Variants in ARHGAP24 observed in about 807,000 individuals in gnomAD.
ARHGAP24 encodes rho GTPase-activating protein 24.
ARHGAP24 carries 50 observed loss-of-function variants against 76.4 expected under a neutral mutation model. That is an observed-to-expected ratio of 0.65 (90% CI 0.52 to 0.83). The LOEUF (loss-of-function observed/expected upper bound fraction) is 0.83. Among genes scored for constraint, ARHGAP24 ranks in the 40% least tolerant of loss-of-function variants. ARHGAP24 has a pLI of 0.00. For missense variants in ARHGAP24, 930 were observed against 914.2 expected, an observed-to-expected ratio of 1.02 and a Z score of -0.22; for synonymous variants, 345 against 323.3, an observed-to-expected ratio of 1.07 and a Z score of -0.72.
intron 3 of ARHGAP24, among the ~76,000 whole-genome samples, chr4:85,773,676 C>G (rs532801685): frequency 6.6e-6 from 1 of 152,104 alleles, no homozygotes; most frequent in Non-Finnish European, 1.5e-5. Context: ...TTCTTTGTAC[C>G]CAAGCATTTG....
At chr4:85,767,950 G>A (rs1340438998) in intron 3 of ARHGAP24, among the ~76,000 whole-genome samples, 1 of 152,156 alleles carries the variant, frequency 6.6e-6, no homozygotes, top group Non-Finnish European at 1.5e-5. Context: ...TTGGGGAAAG[G>A]AATTGCTCTA....
chr4:85,846,220 T>A (rs1297077131), intron 3 of ARHGAP24, among the ~76,000 whole-genome samples: 2 of 152,248 alleles, frequency 1.3e-5, no homozygotes, highest in South Asian at 2.1e-4. Flanking sequence ...AATATAATTT[T>A]AAAAAATCTT....
intron 2 of ARHGAP24, among the ~76,000 whole-genome samples, chr4:85,622,873 T>C (rs368860494): frequency 6.6e-5 from 10 of 152,146 alleles, no homozygotes; most frequent in Non-Finnish European, 1.2e-4. Context: ...TTTCATGTGT[T>C]TTTTGGCTGC....
At chr4:85,839,600 G>T (rs1358736927) in intron 3 of ARHGAP24, among the ~76,000 whole-genome samples, 2 of 151,722 alleles carry the variant, frequency 1.3e-5, no homozygotes, top group Non-Finnish European at 1.5e-5. Context: ...ACAGGCACGT[G>T]CCACCACGCC....
At chr4:85,914,422 T>C (rs946209793) in intron 3 of ARHGAP24, among the ~76,000 whole-genome samples, 13 of 152,210 alleles carry the variant, frequency 8.5e-5, no homozygotes, top group Non-Finnish European at 1.8e-4. Context: ...TGGAATGAGG[T>C]CCAAGAATTC....
chr4:85,808,074 T>C (rs1440514629), intron 3 of ARHGAP24, among the ~76,000 whole-genome samples: 1 of 152,176 alleles, frequency 6.6e-6, no homozygotes, highest in Non-Finnish European at 1.5e-5. Context: ...TTTACATAGT[T>C]GTCGGTTGCT....
chr4:85,918,273 T>G (rs1735530745), intron 3 of ARHGAP24, among the ~76,000 whole-genome samples: 2 of 151,894 alleles, frequency 1.3e-5, no homozygotes, highest in South Asian at 2.1e-4. Context: ...TATATCTACT[T>G]TTATATAATA....
chr4:85,848,353 G>T (rs1215414486), intron 3 of ARHGAP24, among the ~76,000 whole-genome samples: 1 of 152,070 alleles, frequency 6.6e-6, no homozygotes, highest in African/African-American at 2.4e-5. Flanking sequence ...CCCATGACAG[G>T]CCCTGGTGTG....
chr4:85,547,491 A>G (rs1247236467), intron 1 of ARHGAP24, among the ~76,000 whole-genome samples: 1 of 152,004 alleles, frequency 6.6e-6, no homozygotes, highest in Non-Finnish European at 1.5e-5. Flanking sequence ...ACTGGAGAGT[A>G]GTGGTGCGAT....
intron 2 of ARHGAP24, among the ~76,000 whole-genome samples, chr4:85,662,301 T>G (rs1466488056): frequency 6.6e-6 from 1 of 151,918 alleles, no homozygotes; most frequent in Non-Finnish European, 1.5e-5. Flanking sequence ...GTTTTTTGGC[T>G]GCATAAATGT....
intron 8 of ARHGAP24, among the ~76,000 whole-genome samples, chr4:85,986,571 C>A (rs116484563): frequency 0.014 from 2,148 of 152,116 alleles, 32 homozygotes; most frequent in Non-Finnish European, 0.024. Context: ...TATTGCTGAG[C>A]TGAAGAGAGT....
intron 2 of ARHGAP24, among the ~76,000 whole-genome samples, chr4:85,690,143 G>A (rs1723575217): frequency 6.6e-6 from 1 of 152,060 alleles, no homozygotes; most frequent in Admixed American, 6.6e-5. Context: ...TGTTTATGTG[G>A]TAAATCACAT....
intron 1 of ARHGAP24, among the ~76,000 whole-genome samples, chr4:85,547,934 T>C (rs1427010891): frequency 6.6e-6 from 1 of 152,258 alleles, no homozygotes; most frequent in Non-Finnish European, 1.5e-5. Flanking sequence ...AATTGAATAA[T>C]TGACATTCTG....
chr4:85,543,405 G>C (rs2110124363), intron 1 of ARHGAP24, among the ~76,000 whole-genome samples: 1 of 152,312 alleles, frequency 6.6e-6, no homozygotes, highest in East Asian at 1.9e-4. Context: ...GACAAAGCTG[G>C]TTAGCATGGA....
At position 85,505,510 on chromosome 4, in the gene ARHGAP24, A is replaced by T. The variant is rs565659714; in HGVS notation, c.-21+29951A>T. 5.3e-5 allele frequency among the ~76,000 whole-genome samples: 8 copies of T among 152,288 alleles called. No homozygotes were observed. The South Asian group carries it at 8.3e-4, about 16-fold the overall frequency. On this transcript the variant is annotated intron_variant, in intron 1 of 9. Transcript: ENST00000395184. ...TGATACCCTTTCTTCCACTTCATCA[A>T]ATTGGCTATTGAAGCTTGTGCATGC...
rs115289854 is a variant in ARHGAP24, at chr4:85,727,781, G to A, written c.268+5809G>A. On this transcript the variant is annotated intron_variant, in intron 3 of 9. Coordinates refer to ENST00000395184, the MANE Select transcript of ARHGAP24 (RefSeq NM_001025616.3). ...AGCAAAGATTCTTCATGGCTTTCAA[G>A]GGCAATTGTCAATATTCCAGACCCT... is the stretch of plus-strand genomic sequence containing the variant. Among the ~76,000 whole-genome samples the A allele has an allele frequency of 4.3e-3, 649 of 152,170 alleles. 4 individuals carry two copies. The highest frequency in any genetic ancestry group is 0.015 in the African/African-American group (608 of 41,498).
At chr4:85,543,041 C>T (rs780280062) in intron 1 of ARHGAP24, among the ~76,000 whole-genome samples, 3 of 152,136 alleles carry the variant, frequency 2.0e-5, no homozygotes, top group Non-Finnish European at 4.4e-5. Context: ...CTAATTTTAG[C>T]TGTAGTAAGT....
At chr4:85,524,283 G>A (rs1408351466) in intron 1 of ARHGAP24, among the ~76,000 whole-genome samples, 1 of 151,966 alleles carries the variant, frequency 6.6e-6, no homozygotes, top group Admixed American at 6.6e-5. Flanking sequence ...GTGTCCTTAA[G>A]CATCCAATAT....
chr4:85,783,862 A>G (rs937978357), intron 3 of ARHGAP24, among the ~76,000 whole-genome samples: 1 of 152,178 alleles, frequency 6.6e-6, no homozygotes, highest in Admixed American at 6.5e-5. Context: ...AATATTTATG[A>G]AGATGGAACC....
Sources: allele counts gnomAD v4.1 joint callset (sites outside exome capture counted in the v4.1 genomes callset), GRCh38; gene constraint gnomAD v4.1.1; transcripts MANE v1.5; gene names NCBI Gene and HGNC (gene_info 2026-07-23, HGNC 2026-07-21).